RBFOX1: variants seen among roughly 807,000 people sequenced by gnomAD.
RBFOX1 encodes RNA binding protein fox-1 homolog 1.
A neutral mutation model predicts 57.7 loss-of-function variants in RBFOX1; 8 were observed. That is an observed-to-expected ratio of 0.14 (90% CI 0.08 to 0.25). RBFOX1 has a LOEUF of 0.25. Ranked by LOEUF, RBFOX1 falls within the 10% of genes least tolerant of loss-of-function variation. The pLI is 1.00. For missense variants in RBFOX1, 611 were observed against 548.5 expected (o/e 1.11, Z -1.14); for synonymous variants, 326 against 222.4 (o/e 1.47, Z -4.15).
intron 3 of RBFOX1, among the ~76,000 whole-genome samples, chr16:6,804,535 C>G (rs557020841): frequency 4.6e-5 from 7 of 152,074 alleles, no homozygotes; most frequent in Non-Finnish European, 2.9e-5. Flanking sequence ...ATAAAGAATT[C>G]TAAATTGGAC....
At chr16:6,701,640 G>T (rs989352318) in intron 3 of RBFOX1, among the ~76,000 whole-genome samples, 1 of 152,042 alleles carries the variant, frequency 6.6e-6, no homozygotes, top group African/African-American at 2.4e-5. Context: ...ACATAAAGGC[G>T]TACGTACACC....
At chr16:7,555,811 C>T (rs189076591) in intron 5 of RBFOX1, among the ~76,000 whole-genome samples, 1 of 152,162 alleles carries the variant, frequency 6.6e-6, no homozygotes, top group Non-Finnish European at 1.5e-5. Flanking sequence ...TTGAAAATGT[C>T]AAGCCTACCT....
intron 3 of RBFOX1, among the ~76,000 whole-genome samples, chr16:6,989,441 T>TC (rs1303907604): frequency 3.9e-5 from 6 of 152,208 alleles, no homozygotes; most frequent in African/African-American, 9.6e-5. Flanking sequence ...GAACTTTTTT[T>TC]CCCCACATAT....
At chr16:6,659,204 CAG>C (rs1568090633) in intron 3 of RBFOX1, among the ~76,000 whole-genome samples, 4 of 148,994 alleles carry the variant, frequency 2.7e-5, no homozygotes, top group East Asian at 2.0e-4. Context: ...ATGGATCAGT[CAG>C]GGGGAGAATC....
intron 4 of RBFOX1, among the ~76,000 whole-genome samples, chr16:7,190,463 C>T (rs974619910): frequency 6.6e-6 from 1 of 152,066 alleles, no homozygotes; most frequent in African/African-American, 2.4e-5. Flanking sequence ...CACAAATTCC[C>T]AACAGGTATT....
At chr16:5,930,307 T>A (rs1379477796) in intron 4 of RBFOX1, among the ~76,000 whole-genome samples, 38 of 72,256 alleles carry the variant, frequency 5.3e-4, no homozygotes, top group South Asian at 5.6e-4. Flanking sequence ...GGGTGGGTGG[T>A]TGGTTGGATG....
At position 6,228,602 on chromosome 16, in the gene RBFOX1, T is replaced by G. The variant is rs537304798; in HGVS notation, c.-126-88393T>G. On this transcript the variant is annotated intron_variant, in intron 1 of 15. Coordinates refer to ENST00000550418, the MANE Select transcript of RBFOX1 (RefSeq NM_018723.4). ...TGCATTATCTAACTTATATATGGAA[T>G]CTAACAGAGTGAGACTCATAGAAAC... 3.9e-5 allele frequency among the ~76,000 whole-genome samples: 6 copies of G among 152,288 alleles called. No individual in the cohort carries two copies. The East Asian group carries it at 1.2e-3, about 29-fold the overall frequency.
At chr16:7,175,884 C>A (rs116644779) in intron 4 of RBFOX1, among the ~76,000 whole-genome samples, 1 of 152,086 alleles carries the variant, frequency 6.6e-6, no homozygotes, top group Non-Finnish European at 1.5e-5. Context: ...CTTATATTAG[C>A]CCTCTGAGCA....
intron 1 of RBFOX1, among the ~76,000 whole-genome samples, chr16:6,042,455 C>G (rs138203207): frequency 2.0e-5 from 3 of 152,102 alleles, no homozygotes; most frequent in African/African-American, 7.2e-5. Flanking sequence ...CCAGATAGTT[C>G]GGAATCATCT....
chr16:6,857,664 C>T (rs1395827547), intron 3 of RBFOX1, among the ~76,000 whole-genome samples: 1 of 152,308 alleles, frequency 6.6e-6, no homozygotes, highest in South Asian at 2.1e-4. Flanking sequence ...TACATGGAAA[C>T]TTACTCTCTG....
intron 1 of RBFOX1, among the ~76,000 whole-genome samples, chr16:5,376,670 G>T (rs977228063): frequency 1.4e-5 from 2 of 147,314 alleles, no homozygotes; most frequent in Non-Finnish European, 2.9e-5. Flanking sequence ...GGCACATGCT[G>T]CGGGTACCAT....
chr16:7,256,911 A>T (rs1473615013), intron 4 of RBFOX1, among the ~76,000 whole-genome samples: 3 of 152,136 alleles, frequency 2.0e-5, no homozygotes, highest in African/African-American at 7.2e-5. Flanking sequence ...AACCTACCCA[A>T]GTCTCTCTCC....
intron 1 of RBFOX1, among the ~76,000 whole-genome samples, chr16:5,287,156 T>C (rs1390285946): frequency 6.6e-6 from 1 of 152,084 alleles, no homozygotes; most frequent in Non-Finnish European, 1.5e-5. Context: ...AATAAAAAAA[T>C]TAGCTAAGCA....
intron 3 of RBFOX1, among the ~76,000 whole-genome samples, chr16:6,852,385 C>T (rs1285688790): frequency 1.3e-5 from 2 of 152,120 alleles, no homozygotes; most frequent in African/African-American, 4.8e-5. Context: ...TCAGTTCAGT[C>T]ACATCAGCAA....
At chr16:5,404,211 T>C (rs1294541256) in intron 1 of RBFOX1, among the ~76,000 whole-genome samples, 2 of 152,020 alleles carry the variant, frequency 1.3e-5, no homozygotes, top group Admixed American at 1.3e-4. Context: ...CTTATTTAGG[T>C]GATGAGTGCC....
At chr16:6,525,824 G>A (rs369397491) in intron 2 of RBFOX1, among the ~76,000 whole-genome samples, 2 of 151,930 alleles carry the variant, frequency 1.3e-5, no homozygotes, top group African/African-American at 4.8e-5. Context: ...TAACTTAAGC[G>A]CTTCATAAAG....
intron 3 of RBFOX1, among the ~76,000 whole-genome samples, chr16:5,707,755 G>C (rs1031477397): frequency 3.3e-5 from 5 of 152,102 alleles, no homozygotes; most frequent in Non-Finnish European, 7.4e-5. Flanking sequence ...GGTTCCTTGG[G>C]GATTAGGAAA....
intron 4 of RBFOX1, among the ~76,000 whole-genome samples, chr16:7,513,103 A>T (rs568810743): frequency 3.9e-5 from 6 of 152,188 alleles, no homozygotes; most frequent in Non-Finnish European, 8.8e-5. Context: ...CTCTACTAAA[A>T]ATACAAAAAA....
intron 4 of RBFOX1, among the ~76,000 whole-genome samples, chr16:7,094,890 A>T (rs79163494): frequency 5.3e-4 from 80 of 152,126 alleles, no homozygotes; most frequent in African/African-American, 1.9e-3. Context: ...GTTCTCTTTA[A>T]TCACACAGAC....
Sources: allele counts gnomAD v4.1 joint callset (sites outside exome capture counted in the v4.1 genomes callset), GRCh38; gene constraint gnomAD v4.1.1; transcripts MANE v1.5; gene names NCBI Gene and HGNC (gene_info 2026-07-23, HGNC 2026-07-21).